Variants in MAD1L1 observed in about 807,000 individuals in gnomAD.
MAD1L1 encodes mitotic arrest deficient 1 like 1.
Under a neutral mutation model 96.9 loss-of-function variants are expected in MAD1L1, and 95 were observed. The ratio of observed to expected loss-of-function variants is 0.98; its 90% CI spans 0.83 to 1.16. The LOEUF (loss-of-function observed/expected upper bound fraction) is 1.16. Ranked by LOEUF, MAD1L1 falls within the 50% of genes most tolerant of loss-of-function variation. The pLI is 0.00. For synonymous variants in MAD1L1, 473 were observed against 396.6 expected (o/e 1.19, Z -2.29); for missense variants, 1,007 against 954.4 (o/e 1.06, Z -0.73).
At chr7:2,221,007 C>A (rs763016143) in intron 5 of MAD1L1, 8 of 1,612,154 alleles carry the variant, frequency 5.0e-6, no homozygotes, top group Non-Finnish European at 6.8e-6. Flanking sequence ...GAGTAAGGAG[C>A]GTGACAATCA....
chr7:1,917,693 G>A (rs1583780462), intron 17 of MAD1L1, among the ~76,000 whole-genome samples: 1 of 152,234 alleles, frequency 6.6e-6, no homozygotes, highest in African/African-American at 2.4e-5. Context: ...GCTGGGGACC[G>A]TAGCAAGAGC....
At chr7:2,089,979 T>A (rs1021947831) in intron 11 of MAD1L1, among the ~76,000 whole-genome samples, 3 of 152,246 alleles carry the variant, frequency 2.0e-5, no homozygotes, top group Non-Finnish European at 4.4e-5. Context: ...ACCCTAGTGA[T>A]GTTGGTTTGC....
intron 11 of MAD1L1, among the ~76,000 whole-genome samples, chr7:2,105,166 G>A (rs543821122): frequency 2.0e-5 from 3 of 152,018 alleles, no homozygotes; most frequent in Non-Finnish European, 2.9e-5. Flanking sequence ...CACAAACACC[G>A]CACCGTCCTG....
Position 1,936,842 on chromosome 7 carries a change from C to T in MAD1L1, c.1652G>A (p.Ser551Asn), listed in dbSNP as rs1778640007. Residue 551 changes from serine to asparagine, a missense_variant, in exon 17 of 19, where the codon AGT (serine) becomes AAT (asparagine). Physicochemically the swap from Ser to Asn is conservative, Grantham distance 46. Coordinates refer to ENST00000265854, the MANE Select transcript of MAD1L1 (RefSeq NM_001013836.2). ...KVLHMSLNPT[S>N]VARQRLREDH... ...CTCGCGCAGGCGCTGCCTGGCCACACTGGTGGGGTTCAGGCTCATGTGCAG... is the reference window on the plus strand; with the variant it reads ...CTCGCGCAGGCGCTGCCTGGCCACATTGGTGGGGTTCAGGCTCATGTGCAG... 4 of 1,606,724 alleles carry T rather than the reference C, an allele frequency of 2.5e-6. No homozygotes were observed. Among genetic ancestry groups the T allele is most frequent in the Non-Finnish European group, 3.4e-6 (4 of 1,177,184 alleles).
intron 18 of MAD1L1, among the ~76,000 whole-genome samples, chr7:1,835,089 C>A (rs1782879654): frequency 6.7e-6 from 1 of 149,126 alleles, no homozygotes; most frequent in South Asian, 2.1e-4. Context: ...GCAGAAAAAG[C>A]ATCTGATCAA....
intron 11 of MAD1L1, among the ~76,000 whole-genome samples, chr7:2,094,435 G>C (rs1480549085): frequency 6.6e-6 from 1 of 152,192 alleles, no homozygotes; most frequent in Non-Finnish European, 1.5e-5. Flanking sequence ...AGACGGATGA[G>C]AAATAAGACA....
chr7:1,875,254 C>T (rs1421443954), intron 18 of MAD1L1, among the ~76,000 whole-genome samples: 1 of 152,238 alleles, frequency 6.6e-6, no homozygotes, highest in African/African-American at 2.4e-5. Context: ...CAAGCCTGCG[C>T]TGTGCACACC....
intron 17 of MAD1L1, among the ~76,000 whole-genome samples, chr7:1,920,630 G>A (rs959731248): frequency 2.0e-5 from 3 of 152,170 alleles, no homozygotes; most frequent in Admixed American, 1.3e-4. Flanking sequence ...AAGACCTCAC[G>A]TTCCACAGCC....
At chr7:1,984,377 C>A (rs933347979) in intron 14 of MAD1L1, among the ~76,000 whole-genome samples, 3 of 152,182 alleles carry the variant, frequency 2.0e-5, no homozygotes, top group African/African-American at 7.2e-5. Flanking sequence ...CTATGCACTC[C>A]TTTTAACATG....
intron 16 of MAD1L1, among the ~76,000 whole-genome samples, chr7:1,939,511 GC>G (rs1778838348): frequency 2.7e-5 from 4 of 149,440 alleles, no homozygotes; most frequent in Admixed American, 1.3e-4. Context: ...GTCATGTCAG[GC>G]ACAGACATGA....
chr7:1,972,717 A>G (rs1048370462), intron 15 of MAD1L1, among the ~76,000 whole-genome samples: 2 of 151,590 alleles, frequency 1.3e-5, no homozygotes, highest in South Asian at 4.2e-4. Flanking sequence ...GCTCTGGGCT[A>G]TTCCACTCTC....
At position 2,191,547 on chromosome 7, in the gene MAD1L1, A is replaced by G. The variant is rs183419944; in HGVS notation, c.986+21665T>C. Among the ~76,000 whole-genome samples, 259 of 152,266 alleles carry G rather than the reference A, an allele frequency of 1.7e-3. 1 individual carries two copies. The highest frequency in any genetic ancestry group is 3.9e-3 in the Admixed American group (60 of 15,300). On this transcript the variant is annotated intron_variant, in intron 10 of 18. Coordinates refer to ENST00000265854, the MANE Select transcript of MAD1L1 (RefSeq NM_001013836.2). ...GGAGTTCGAGACCAGTCTGGCCAAC[A>G]TGGTGAAACCCCGTCTCTACTAAAA...
chr7:2,079,721 C>T (rs1436592860), intron 11 of MAD1L1: 5 of 470,872 alleles, frequency 1.1e-5, no homozygotes, highest in Non-Finnish European at 2.2e-5. Flanking sequence ...GGCAGGGCTC[C>T]TCCAAATGCT....
chr7:1,968,520 C>G lies in MAD1L1; in HGVS notation c.1506-10801G>C, dbSNP rs1344684857. Among the ~76,000 whole-genome samples the G allele has an allele frequency of 6.6e-6, 1 of 151,942 alleles. No homozygotes were observed. Among genetic ancestry groups the G allele is most frequent in the Non-Finnish European group, 1.5e-5 (1 of 67,980 alleles). ...CCATGCCTCAGTCCGGCGGTCAGGT[C>G]CACCGTCAATGCCAGCGGTCATGTC... is the stretch of plus-strand genomic sequence containing the variant. On this transcript the variant is annotated intron_variant, in intron 15 of 18. Coordinates refer to ENST00000265854, the MANE Select transcript of MAD1L1 (RefSeq NM_001013836.2). This position sits in a 1 kb window ranked among gnomAD's most constrained non-coding sequence, Gnocchi z 5.6.
rs541724191 is a variant in MAD1L1 at position 1,869,141 on chromosome 7, C to T, written c.1998+29059G>A. ...CGATCCATGCCCAGGCACCATCGCCCGCCCCCATGGCTGCCGGCATGGGGC... is the reference window on the plus strand; with the variant it reads ...CGATCCATGCCCAGGCACCATCGCCTGCCCCCATGGCTGCCGGCATGGGGC... On this transcript the variant is annotated intron_variant, in intron 18 of 18. Transcript: ENST00000265854. Among the ~76,000 whole-genome samples the T allele has an allele frequency of 7.2e-5, 11 of 152,270 alleles. No homozygotes were observed. The East Asian group carries it at 1.4e-3, about 19-fold the overall frequency.
At chr7:1,906,119 C>T (rs1197486234) in intron 17 of MAD1L1, among the ~76,000 whole-genome samples, 3 of 151,774 alleles carry the variant, frequency 2.0e-5, no homozygotes, top group Non-Finnish European at 4.4e-5. Context: ...CACCAGGCAG[C>T]ACTGCCCTGA....
At chr7:2,060,672 C>T (rs1417469873) in intron 12 of MAD1L1, among the ~76,000 whole-genome samples, 2 of 152,198 alleles carry the variant, frequency 1.3e-5, no homozygotes, top group African/African-American at 4.8e-5. Flanking sequence ...TGGACGGCCA[C>T]GAGGGGTCCC....
At chr7:2,125,184 C>T (rs148446325) in intron 11 of MAD1L1, among the ~76,000 whole-genome samples, 3,627 of 152,294 alleles carry the variant, frequency 0.024, 88 homozygotes, top group Non-Finnish European at 0.027. Flanking sequence ...GGCACAGCAG[C>T]AGCAGGGCAA....
At chr7:2,024,379 C>G (rs1248544554) in intron 12 of MAD1L1, among the ~76,000 whole-genome samples, 1 of 152,216 alleles carries the variant, frequency 6.6e-6, no homozygotes, top group African/African-American at 2.4e-5. Context: ...CTGACTGAGA[C>G]ACACAGAGGG....
Sources: allele counts gnomAD v4.1 joint callset (sites outside exome capture counted in the v4.1 genomes callset), GRCh38; gene constraint gnomAD v4.1.1; non-coding constraint Gnocchi (gnomAD v3.1); transcripts MANE v1.5; gene names NCBI Gene and HGNC (gene_info 2026-07-23, HGNC 2026-07-21).